OSBPL10: variants seen among roughly 807,000 people sequenced by gnomAD.
OSBPL10 encodes the protein oxysterol-binding protein-related protein 10.
Under a neutral mutation model 81.7 loss-of-function variants are expected in OSBPL10, and 49 were observed. That is an observed-to-expected ratio of 0.60 (90% CI 0.48 to 0.76). The LOEUF is 0.76. Ranked by LOEUF, OSBPL10 falls within the 30% of genes least tolerant of loss-of-function variation. The pLI, the probability that OSBPL10 is intolerant of heterozygous loss-of-function variation, is 0.00. For synonymous variants in OSBPL10, 419 were observed against 383.6 expected (o/e 1.09, Z -1.08); for missense variants, 923 against 987.8 (o/e 0.93, Z 0.88).
At chr3:31,919,366 G>C (rs1696848546) in intron 1 of OSBPL10, 1 of 152,176 alleles carries the variant, frequency 6.6e-6, no homozygotes, top group South Asian at 2.1e-4. Context: ...GGTTGCTTGA[G>C]GATACATCGG....
At chr3:31,789,653 G>T (rs1254752434) in intron 4 of OSBPL10, among the ~76,000 whole-genome samples, 1 of 152,172 alleles carries the variant, frequency 6.6e-6, no homozygotes, top group African/African-American at 2.4e-5. Context: ...CCAGGCAGGG[G>T]GAGCAGATCA....
intron 4 of OSBPL10, among the ~76,000 whole-genome samples, chr3:31,807,970 C>T (rs1340926541): frequency 1.3e-5 from 2 of 152,124 alleles, no homozygotes; most frequent in Non-Finnish European, 2.9e-5. Flanking sequence ...ATAACTTCAA[C>T]TTATGTATAA....
chr3:32,058,728 T>C (rs1699731964), intron 1 of OSBPL10, among the ~76,000 whole-genome samples: 1 of 152,176 alleles, frequency 6.6e-6, no homozygotes. Context: ...AATACAGTGG[T>C]GCCATCATAG....
At chr3:31,828,601 T>C (rs1217038844) in intron 4 of OSBPL10, among the ~76,000 whole-genome samples, 2 of 152,208 alleles carry the variant, frequency 1.3e-5, no homozygotes, top group African/African-American at 4.8e-5. Flanking sequence ...GGGGCTATCT[T>C]GGCTCAATGC....
At chr3:31,771,179 T>C (rs920554419) in intron 4 of OSBPL10, among the ~76,000 whole-genome samples, 1 of 152,228 alleles carries the variant, frequency 6.6e-6, no homozygotes, top group Non-Finnish European at 1.5e-5. Flanking sequence ...TACCAGTTAT[T>C]ACCCTGAAGG....
intron 4 of OSBPL10, among the ~76,000 whole-genome samples, chr3:31,773,785 C>T (rs1305208952): frequency 1.3e-5 from 2 of 152,210 alleles, no homozygotes; most frequent in Admixed American, 6.5e-5. Flanking sequence ...GTCAGAGACT[C>T]GAGTGCAGTG....
At chr3:32,021,228 A>G (rs1003435506) in intron 2 of OSBPL10, among the ~76,000 whole-genome samples, 9 of 152,230 alleles carry the variant, frequency 5.9e-5, no homozygotes, top group South Asian at 2.1e-4. Context: ...AATTAAGTCC[A>G]TAACAGTGAT....
At chr3:32,002,312 C>T (rs1246321084) in intron 2 of OSBPL10, among the ~76,000 whole-genome samples, 2 of 152,134 alleles carry the variant, frequency 1.3e-5, no homozygotes, top group African/African-American at 4.8e-5. Flanking sequence ...TTCATTGACA[C>T]ATTGCAAAGA....
intron 4 of OSBPL10, among the ~76,000 whole-genome samples, chr3:31,749,205 T>C (rs1020778941): frequency 6.6e-6 from 1 of 152,244 alleles, no homozygotes; most frequent in Non-Finnish European, 1.5e-5. Context: ...GAAGAAGCAG[T>C]AATTCTGTAA....
chr3:31,738,222 C>T (rs77709866), intron 5 of OSBPL10, among the ~76,000 whole-genome samples: 230 of 152,118 alleles, frequency 1.5e-3, no homozygotes, highest in African/African-American at 5.2e-3. Context: ...TGCAGCTTGG[C>T]AATATTTTCT....
At chr3:31,822,032 G>A (rs1699992326) in intron 4 of OSBPL10, 1 of 152,230 alleles carries the variant, frequency 6.6e-6, no homozygotes, top group Non-Finnish European at 1.5e-5. Flanking sequence ...TCTTCCGTAT[G>A]TGTGTGTAGT....
intron 2 of OSBPL10, among the ~76,000 whole-genome samples, chr3:32,027,209 G>A (rs983767310): frequency 1.3e-5 from 2 of 152,004 alleles, no homozygotes; most frequent in African/African-American, 4.8e-5. Flanking sequence ...GCCCCAGTGT[G>A]TGATGTTCCC....
chr3:31,666,159 A>G (rs1469427136), intron 10 of OSBPL10, among the ~76,000 whole-genome samples: 1 of 152,190 alleles, frequency 6.6e-6, no homozygotes, highest in Admixed American at 6.5e-5. Context: ...GCAGAGGTCG[A>G]GCAAGTGGCT....
chr3:31,978,884 G>T (rs1698754438), intron 1 of OSBPL10, among the ~76,000 whole-genome samples: 1 of 151,948 alleles, frequency 6.6e-6, no homozygotes, highest in Admixed American at 6.6e-5. Context: ...CACCACAATG[G>T]GTTTAAAATA....
chr3:31,809,799 T>C (rs189262395), intron 4 of OSBPL10, among the ~76,000 whole-genome samples: 89 of 151,100 alleles, frequency 5.9e-4, no homozygotes, highest in African/African-American at 2.0e-3. Context: ...GGAGAAAAGA[T>C]GGACTATTCA....
intron 4 of OSBPL10, among the ~76,000 whole-genome samples, chr3:31,806,663 G>A (rs889848609): frequency 2.6e-5 from 4 of 152,096 alleles, no homozygotes; most frequent in East Asian, 1.9e-4. Flanking sequence ...AGTAACAAGC[G>A]CTGTTGAAAA....
intron 1 of OSBPL10, among the ~76,000 whole-genome samples, chr3:31,918,266 AC>A (rs548152261): frequency 4.5e-4 from 69 of 152,236 alleles, no homozygotes; most frequent in African/African-American, 1.6e-3. Context: ...AGACAGCAAG[AC>A]AAGTCCCTGA....
chr3:31,815,879 C>T (rs1029430329), intron 4 of OSBPL10, among the ~76,000 whole-genome samples: 2 of 152,156 alleles, frequency 1.3e-5, no homozygotes, highest in African/African-American at 4.8e-5. Flanking sequence ...CCTTAGGGCA[C>T]TTGTCGGAAG....
chr3:32,073,878 G>A lies in OSBPL10; in HGVS notation n.185+3518C>T, dbSNP rs117474853. Among the ~76,000 whole-genome samples the A allele has an allele frequency of 9.2e-3, 1,394 of 152,122 alleles. 25 individuals carry two copies. In the East Asian group the frequency reaches 0.1, roughly 11 times the overall value. On this transcript the variant is annotated intron_variant and non_coding_transcript_variant, in intron 1 of 3. Coordinates refer to the OSBPL10 transcript ENST00000479173. Reference sequence around the variant, plus strand: ...AGTGGATAGATGATCTTTTCTGACAGGGCACCCTCCAATACTTCCGCCCTG... The same window carrying A: ...AGTGGATAGATGATCTTTTCTGACAAGGCACCCTCCAATACTTCCGCCCTG...
Sources: allele counts gnomAD v4.1 joint callset (sites outside exome capture counted in the v4.1 genomes callset), GRCh38; gene constraint gnomAD v4.1.1; transcripts MANE v1.5; gene names NCBI Gene and HGNC (gene_info 2026-07-23, HGNC 2026-07-21).